P2RY2: variants seen among roughly 807,000 people sequenced by gnomAD.
The protein encoded by P2RY2 is purinergic receptor P2Y2.
For missense variants in P2RY2, 567 were observed against 515.7 expected (o/e 1.10, Z -0.96); for synonymous variants, 241 against 231.9 (o/e 1.04, Z -0.35).
rs1862768936 is a variant in P2RY2, at chr11:73,241,321, C to T, written c.*6028C>T. 6.6e-6 allele frequency: 1 copy of T among 152,332 alleles called. No individual in the cohort carries two copies. The allele number at this position is 152,332 out of a possible 1,614,324, so 9.4% of individuals were successfully genotyped here. A position where few individuals can be genotyped will look rare whatever the true frequency, so the allele number is the denominator to read the frequency against. On this transcript the variant is annotated 3_prime_UTR_variant, in exon 3 of 3. Coordinates refer to ENST00000393597, the MANE Select transcript of P2RY2 (RefSeq NM_002564.4). ...CTGGGGCAAAGGGGAGGGTGGGGGC[C>T]ACAGGGCAGCTGATGCAGGAGCAGG... is the stretch of plus-strand genomic sequence containing the variant.
chr11:73,224,144 G>A (rs1392604913), intron 1 of P2RY2, among the ~76,000 whole-genome samples: 5 of 152,184 alleles, frequency 3.3e-5, no homozygotes, highest in Non-Finnish European at 5.9e-5. Context: ...TCCTCAGACC[G>A]GCCCTGGTGC....
rs1862701314 is a variant in P2RY2, at chr11:73,238,268, G to A, written c.*2975G>A. On this transcript the variant is annotated 3_prime_UTR_variant, in exon 3 of 3. Coordinates refer to ENST00000393597, the MANE Select transcript of P2RY2 (RefSeq NM_002564.4). ...GATGGGAGGAAAGGGAGGGTAGAGA[G>A]TTGAGTGTCAGGGAGTAAATGTCTG... 6.6e-6 allele frequency among the ~76,000 whole-genome samples: 1 copy of A among 152,212 alleles called. No individual in the cohort carries two copies. The highest frequency in any genetic ancestry group is 2.1e-4 in the South Asian group (1 of 4,834).
At chr11:73,222,510 C>T (rs1028006919) in intron 1 of P2RY2, among the ~76,000 whole-genome samples, 3 of 152,166 alleles carry the variant, frequency 2.0e-5, no homozygotes, top group Admixed American at 6.5e-5. Context: ...AGAATAGAGG[C>T]CAAGCTTTTC....
intron 1 of P2RY2, among the ~76,000 whole-genome samples, chr11:73,219,564 G>A (rs1862061571): frequency 6.6e-6 from 1 of 152,204 alleles, no homozygotes; most frequent in Non-Finnish European, 1.5e-5. Context: ...GTCAGTCCCT[G>A]GAAGGAGCCT....
chr11:73,241,952 C>T lies in P2RY2; in HGVS notation c.*6659C>T, dbSNP rs2135657718. 1 of 152,290 alleles carries T rather than the reference C, an allele frequency of 6.6e-6. No homozygotes were observed. The highest frequency in any genetic ancestry group is 2.1e-4 in the South Asian group (1 of 4,828). The allele number at this position is 152,290 out of a possible 1,614,324, so 9.4% of individuals were successfully genotyped here. A position where few individuals can be genotyped will look rare whatever the true frequency, so the allele number is the denominator to read the frequency against. On this transcript the variant is annotated 3_prime_UTR_variant, in exon 3 of 3. Transcript: ENST00000393597. ...TACCCTGGTCTCCCTGAGTGATTTT[C>T]CTGCACACCCTGCTGGGGATGTGGA... is the stretch of plus-strand genomic sequence containing the variant.
chr11:73,234,983 A>G lies in P2RY2; in HGVS notation c.824A>G (p.Asp275Gly). The change falls in exon 3 of 3, where the codon GAC becomes GGC. Residue 275 changes from aspartate to glycine, a missense_variant. By Grantham distance (94) the Asp-to-Gly change is moderately conservative (BLOSUM62 -1). Coordinates refer to ENST00000393597, the MANE Select transcript of P2RY2 (RefSeq NM_002564.4). ...RTLYYSFRSL[D>G]LSCHTLNAIN... is the part of the protein sequence containing the mutation. ...CTCTACTACTCCTTCCGCTCGCTGG[A>G]CCTCAGCTGCCACACCCTCAACGCC... The G allele has an allele frequency of 1.2e-6, 2 of 1,609,422 alleles. No individual in the cohort carries two copies. Among genetic ancestry groups the G allele is most frequent in the South Asian group, 1.1e-5 (1 of 91,082 alleles).
intron 1 of P2RY2, among the ~76,000 whole-genome samples, chr11:73,220,844 A>G (rs1862097537): frequency 6.6e-6 from 1 of 152,120 alleles, no homozygotes; most frequent in Admixed American, 6.5e-5. Context: ...TGGGGCTCTA[A>G]GGCTGTGGAT....
intron 1 of P2RY2, among the ~76,000 whole-genome samples, chr11:73,226,358 G>A (rs1458801731): frequency 6.6e-6 from 1 of 152,166 alleles, no homozygotes; most frequent in East Asian, 1.9e-4. Flanking sequence ...GTGCAGCAGG[G>A]TGAAAAGGCT....
intron 1 of P2RY2, among the ~76,000 whole-genome samples, chr11:73,223,291 G>A (rs1862174121): frequency 6.6e-6 from 1 of 152,096 alleles, no homozygotes; most frequent in African/African-American, 2.4e-5. Context: ...CTCCCAAGCT[G>A]GACCCTTCCT....
chr11:73,234,263 T>C lies in P2RY2; in HGVS notation c.104T>C (p.Leu35Pro), dbSNP rs1862547523. The C allele has an allele frequency of 6.2e-7, 1 of 1,614,218 alleles. No homozygotes were observed. The highest frequency in any genetic ancestry group is 1.3e-5 in the African/African-American group (1 of 75,058). ...CRFNEDFKYV[L>P]LPVSYGVVCV... ...TTCAACGAGGACTTCAAGTACGTGC[T>C]GCTGCCTGTGTCCTACGGCGTGGTG... is the stretch of plus-strand genomic sequence containing the variant. The change falls in exon 3 of 3, where the codon CTG becomes CCG. Residue 35 changes from leucine to proline, a missense_variant. By Grantham distance (98) the Leu-to-Pro change is moderately conservative (BLOSUM62 -3). Transcript: ENST00000393597.
At chr11:73,223,048 G>C (rs1181698851) in intron 1 of P2RY2, among the ~76,000 whole-genome samples, 1 of 152,220 alleles carries the variant, frequency 6.6e-6, no homozygotes, top group African/African-American at 2.4e-5. Context: ...CCAGACCCCT[G>C]TGGCTCTGAG....
At chr11:73,228,795 G>T (rs1320587721) in intron 2 of P2RY2, among the ~76,000 whole-genome samples, 1 of 152,172 alleles carries the variant, frequency 6.6e-6, no homozygotes, top group Non-Finnish European at 1.5e-5. Context: ...GGCCCTCAGA[G>T]GAGCAAGTAA....
rs183027540 is a variant in P2RY2, at chr11:73,239,048, C to T, written c.*3755C>T. 9.2e-5 allele frequency: 14 copies of T among 152,380 alleles called. No individual in the cohort carries two copies. The highest frequency in any genetic ancestry group is 8.5e-4 in the Admixed American group (13 of 15,304). The allele number at this position is 152,380 out of a possible 1,614,324, so 9.4% of individuals were successfully genotyped here. A position where few individuals can be genotyped will look rare whatever the true frequency, so the allele number is the denominator to read the frequency against. ...TTCCATGCAGGGCGTTGAGGGGCTT[C>T]CCTACGTTATTACGCACAAAGTCCT... On this transcript the variant is annotated 3_prime_UTR_variant, in exon 3 of 3. Coordinates refer to ENST00000393597, the MANE Select transcript of P2RY2 (RefSeq NM_002564.4).
rs996527564 is a variant in P2RY2, at chr11:73,231,042, C to T, written c.-5+2867C>T. Among the ~76,000 whole-genome samples the T allele has an allele frequency of 2.3e-4, 35 of 152,236 alleles. 1 individual carries two copies. The highest frequency in any genetic ancestry group is 9.2e-4 in the Admixed American group (14 of 15,292). ...GACCCTGGGTAAGACGGGTCTCAGCCACTTGACCTGCCAGAGCCCCAGCAT... is the reference window on the plus strand; with the variant it reads ...GACCCTGGGTAAGACGGGTCTCAGCTACTTGACCTGCCAGAGCCCCAGCAT... On this transcript the variant is annotated intron_variant, in intron 2 of 2. Transcript: ENST00000393597.
intron 2 of P2RY2, among the ~76,000 whole-genome samples, chr11:73,231,590 G>C (rs1383780814): frequency 1.3e-5 from 2 of 151,440 alleles, no homozygotes; most frequent in Non-Finnish European, 2.9e-5. Flanking sequence ...AAAAAAAGAA[G>C]GGAAATTGAA....
chr11:73,224,010 A>AG (rs921833855), intron 1 of P2RY2, among the ~76,000 whole-genome samples: 1 of 152,032 alleles, frequency 6.6e-6, no homozygotes, highest in Non-Finnish European at 1.5e-5. Flanking sequence ...CCAGGATCCT[A>AG]GGGGGGTCCC....
rs1014573834 is a variant in P2RY2 at position 73,242,078 on chromosome 11, G to A, written c.*6785G>A. 1 of 114,576 alleles carries A rather than the reference G, an allele frequency of 8.7e-6. No individual in the cohort carries two copies. The allele number at this position is 114,576 out of a possible 1,614,324, so 7.1% of individuals were successfully genotyped here. A position where few individuals can be genotyped will look rare whatever the true frequency, so the allele number is the denominator to read the frequency against. On this transcript the variant is annotated 3_prime_UTR_variant, in exon 3 of 3. Coordinates refer to ENST00000393597, the MANE Select transcript of P2RY2 (RefSeq NM_002564.4). ...GTGCCCAGGGTTCAGCGTGTAGAGT[G>A]AGGTGGGGTGTGTAGAGAGCTGGGG...
In P2RY2 at chr11:73,234,676, A is replaced by G; in HGVS notation, c.517A>G (p.Thr173Ala). ...ACQAPVLYFV[T>A]TSARGGRVTC... Reference sequence around the variant, plus strand: ...CCAGGCCCCCGTGCTCTACTTTGTCACCACCAGCGCGCGCGGGGGCCGCGT... The same window carrying G: ...CCAGGCCCCCGTGCTCTACTTTGTCGCCACCAGCGCGCGCGGGGGCCGCGT... Residue 173 changes from threonine to alanine, a missense_variant, in exon 3 of 3, where the codon ACC becomes GCC. By Grantham distance (58) the Thr-to-Ala change is moderately conservative. Coordinates refer to ENST00000393597, the MANE Select transcript of P2RY2 (RefSeq NM_002564.4). The G allele has an allele frequency of 6.3e-7, 1 of 1,595,392 alleles. No individual in the cohort carries two copies. The highest frequency in any genetic ancestry group is 8.5e-7 in the Non-Finnish European group (1 of 1,171,096).
At chr11:73,221,269 C>A (rs1385008641) in intron 1 of P2RY2, among the ~76,000 whole-genome samples, 7 of 152,200 alleles carry the variant, frequency 4.6e-5, no homozygotes, top group African/African-American at 1.7e-4. Context: ...TTTTGTCTTC[C>A]TATAGCCCTG....
Sources: gnomAD v4.1 joint callset for allele counts (sites outside exome capture counted in the v4.1 genomes callset) on GRCh38, gnomAD v4.1.1 for gene constraint, MANE v1.5 for transcripts, NCBI Gene and HGNC (gene_info 2026-07-23, HGNC 2026-07-21) for gene names.